The following CACNA1B variants were observed in gnomAD, a reference collection of about 807,000 sequenced individuals.
CACNA1B encodes the protein voltage-dependent N-type calcium channel subunit alpha-1B.
In CACNA1B, 70 loss-of-function variants were observed where a neutral mutation model predicts 247.2. The observed-to-expected ratio is 0.28, with a 90% CI of 0.23 to 0.35. The LOEUF (loss-of-function observed/expected upper bound fraction) is 0.35, where lower values mean the gene tolerates loss of function less well. Among genes scored for constraint, CACNA1B ranks in the 10% least tolerant of loss-of-function variants. The probability of loss-of-function intolerance (pLI) is 1.00; values close to 1 mark genes in which losing one functional copy is unlikely to be tolerated. For synonymous variants in CACNA1B, 1,231 were observed against 1,294.4 expected (o/e 0.95, Z 1.05); for missense variants, 2,367 against 3,197.4 (o/e 0.74, Z 6.26).
intron 22 of CACNA1B, 36 bp downstream of exon 22, chr9:138,047,069 G>C (rs1959191736): frequency 3.2e-6 from 5 of 1,574,790 alleles, no homozygotes; most frequent in East Asian, 2.3e-5. Context: ...CCGCCAGGCT[G>C]TGGCGGGGGA....
At position 137,952,334 on chromosome 9, in the gene CACNA1B, G is replaced by A. The variant is rs1957887023; in HGVS notation, c.1027G>A (p.Gly343Ser). ...CTACTTCATCCCTCTCATCATCATC[G>A]GCTCCTTCTTCATGCTCAACCTGGT... is the stretch of plus-strand genomic sequence containing the variant. The part of the protein sequence containing the change: ...WLYFIPLIII[G>S]SFFMLNLVLG... The change falls in exon 7 of 47, where the codon GGC becomes AGC. Residue 343 changes from glycine to serine, a missense_variant. By Grantham distance (56) the Gly-to-Ser change is moderately conservative. Coordinates refer to ENST00000371372, the MANE Select transcript of CACNA1B (RefSeq NM_000718.4). This position sits in a 1 kb window ranked among gnomAD's most constrained non-coding sequence, Gnocchi z 4.8. The A allele has an allele frequency of 1.2e-6, 2 of 1,613,490 alleles. No individual in the cohort carries two copies. The highest frequency in any genetic ancestry group is 1.7e-6 in the Non-Finnish European group (2 of 1,179,776).
rs7027549 is a variant in CACNA1B at position 137,950,017 on chromosome 9, A to G, written c.967-2257A>G. Reference sequence around the variant, plus strand: ...GAAAACTGGCCATTTTTGGCCTTTCAGCATGGGACCTTGGATCTCAGTTAA... The same window carrying G: ...GAAAACTGGCCATTTTTGGCCTTTCGGCATGGGACCTTGGATCTCAGTTAA... On this transcript the variant is annotated intron_variant, in intron 6 of 46. Coordinates refer to ENST00000371372, the MANE Select transcript of CACNA1B (RefSeq NM_000718.4). This position sits in a 1 kb window ranked among gnomAD's most constrained non-coding sequence, Gnocchi z 4.8. Among the ~76,000 whole-genome samples, 150,819 of 152,320 alleles carry G rather than the reference A, an allele frequency of 0.99. 74,676 individuals carry two copies. Among genetic ancestry groups the G allele is most frequent in the Middle Eastern group, 1 (294 of 294 alleles).
At chr9:137,890,603 C>T (rs1204014476) in intron 3 of CACNA1B, 2 of 150,604 alleles carry the variant, frequency 1.3e-5, no homozygotes, top group Non-Finnish European at 3.0e-5. Flanking sequence ...CCTCTCCTCT[C>T]GACGGTGACT....
At chr9:137,944,170 A>C (rs753058790) in intron 6 of CACNA1B, among the ~76,000 whole-genome samples, 8 of 151,952 alleles carry the variant, frequency 5.3e-5, no homozygotes, top group Non-Finnish European at 7.4e-5. Flanking sequence ...TCCTTCCTTC[A>C]TGATTGTTAT....
At chr9:137,939,679 T>C (rs762004349) in intron 6 of CACNA1B, among the ~76,000 whole-genome samples, 45 of 151,900 alleles carry the variant, frequency 3.0e-4, no homozygotes, top group Admixed American at 6.6e-4. Flanking sequence ...GGCAGGCACC[T>C]GTAGTCCCAG....
intron 6 of CACNA1B, among the ~76,000 whole-genome samples, chr9:137,937,947 C>CAAAAAAAAAAA (rs57680122): frequency 7.3e-4 from 16 of 21,936 alleles, no homozygotes; most frequent in Admixed American, 2.5e-3. Flanking sequence ...AACTCTGTCT[C>CAAAAAAAAAAA]AAAAAAAAAA....
intron 6 of CACNA1B, among the ~76,000 whole-genome samples, chr9:137,947,727 GTTCTT>G (rs1194687666): frequency 6.6e-6 from 1 of 151,898 alleles, no homozygotes; most frequent in Non-Finnish European, 1.5e-5. Flanking sequence ...TGGGTTGACC[GTTCTT>G]TTCTTTCAGC....
intron 36 of CACNA1B, among the ~76,000 whole-genome samples, chr9:138,096,004 G>A (rs1369412677): frequency 2.0e-5 from 3 of 152,262 alleles, no homozygotes; most frequent in East Asian, 3.9e-4. Flanking sequence ...CGGGAACGAC[G>A]AAAAAAGTTT....
chr9:138,077,166 A>AC (rs1216694951), intron 35 of CACNA1B, among the ~76,000 whole-genome samples: 1 of 151,326 alleles, frequency 6.6e-6, no homozygotes, highest in South Asian at 2.1e-4. Flanking sequence ...CCCTGCAGGA[A>AC]CCCCCCTGCC....
At chr9:137,905,727 T>G (rs1345817330) in intron 3 of CACNA1B, among the ~76,000 whole-genome samples, 2 of 152,228 alleles carry the variant, frequency 1.3e-5, no homozygotes, top group African/African-American at 4.8e-5. Context: ...TCTGATAAAT[T>G]CTTCATCATA....
At chr9:138,106,221 C>T (rs961861845) in intron 39 of CACNA1B, among the ~76,000 whole-genome samples, 5 of 152,114 alleles carry the variant, frequency 3.3e-5, no homozygotes, top group East Asian at 1.9e-4. Context: ...TACCACAGAG[C>T]GATGCCAAAG....
chr9:138,077,180 G>A (rs767827612), intron 35 of CACNA1B, among the ~76,000 whole-genome samples: 8 of 152,160 alleles, frequency 5.3e-5, no homozygotes, highest in South Asian at 2.1e-4. Context: ...CCCTGCCTCC[G>A]GCTGTCATCA....
chr9:138,118,561 A>G, intron 43 of CACNA1B, 91 bp from the exon 44 acceptor site: 1 of 649,760 alleles, frequency 1.5e-6, no homozygotes, highest in East Asian at 2.9e-5. Flanking sequence ...TTTGGGTGAG[A>G]CCCCAGTGCC....
Position 137,954,316 on chromosome 9 carries a change from CT to C in CACNA1B, c.1071-1380del, listed in dbSNP as rs1564205844. Among the ~76,000 whole-genome samples, 1 of 152,188 alleles carries C rather than the reference CT, an allele frequency of 6.6e-6. No individual in the cohort carries two copies. Among genetic ancestry groups the C allele is most frequent in the East Asian group, 1.9e-4 (1 of 5,174 alleles). On this transcript the variant is annotated intron_variant, in intron 7 of 46. Transcript: ENST00000371372. This position sits in a 1 kb window ranked among gnomAD's most constrained non-coding sequence, Gnocchi z 4.1. Reference sequence around the variant, plus strand: ...GGGCGAGAGCTGCAGGAGGGGCCAGCTTGGGGCCAATTCGGCATCTCTCTCT... The same window carrying C: ...GGGCGAGAGCTGCAGGAGGGGCCAGCTGGGGCCAATTCGGCATCTCTCTCT...
chr9:137,886,718 A>C (rs1376227124), intron 3 of CACNA1B, among the ~76,000 whole-genome samples: 2 of 150,620 alleles, frequency 1.3e-5, no homozygotes, highest in Non-Finnish European at 3.0e-5. Context: ...CGGCGGGTGG[A>C]CGGATGAGTG....
chr9:137,893,219 T>TAA (rs1957128486), intron 3 of CACNA1B, among the ~76,000 whole-genome samples: 2 of 142,992 alleles, frequency 1.4e-5, no homozygotes, highest in Admixed American at 7.0e-5. Flanking sequence ...AAAGAAAAAA[T>TAA]AAAAGCTGGC....
In CACNA1B at chr9:138,121,370, C is replaced by CAT; in HGVS notation, c.6490-98_6490-97dup. Reference sequence around the variant, plus strand: ...CCCCCATTGCCTCCCTCTCTCCTCCCATCCCCCCAGGCACCTGTGTGTGAT... The same window carrying CAT: ...CCCCCATTGCCTCCCTCTCTCCTCCCATATCCCCCCAGGCACCTGTGTGTGAT... On this transcript the variant is annotated intron_variant, in intron 46 of 46. Transcript: ENST00000371372. The surrounding 1 kb of genome is among the most constrained non-coding windows in gnomAD (Gnocchi z 6.8). 4.3e-6 allele frequency: 4 copies of CAT among 940,694 alleles called. No homozygotes were observed. The highest frequency in any genetic ancestry group is 6.2e-6 in the Non-Finnish European group (4 of 648,722). The allele number at this position is 940,694 out of a possible 1,614,324, so 58.3% of individuals were successfully genotyped here.
chr9:137,912,514 C>T (rs1456214388), intron 3 of CACNA1B, among the ~76,000 whole-genome samples: 1 of 152,166 alleles, frequency 6.6e-6, no homozygotes, highest in Admixed American at 6.5e-5. Context: ...AGGATTGACA[C>T]CATCCGTGAG....
At chr9:138,046,336 C>T (rs762477839) in intron 21 of CACNA1B, among the ~76,000 whole-genome samples, 5 of 152,214 alleles carry the variant, frequency 3.3e-5, no homozygotes, top group Admixed American at 6.5e-5. Context: ...AGCGTGTTCA[C>T]GTGGAGCGTG....
Sources: allele counts gnomAD v4.1 joint callset (sites outside exome capture counted in the v4.1 genomes callset), GRCh38; gene constraint gnomAD v4.1.1; non-coding constraint Gnocchi (gnomAD v3.1); transcripts MANE v1.5; gene names NCBI Gene and HGNC (gene_info 2026-07-23, HGNC 2026-07-21).